PGM5: variants seen among roughly 807,000 people sequenced by gnomAD.
PGM5 encodes the protein phosphoglucomutase 5, also known as phosphoglucomutase-like protein 5.
Under a neutral mutation model 59.2 loss-of-function variants are expected in PGM5, and 23 were observed. The ratio of observed to expected loss-of-function variants is 0.39; its 90% CI spans 0.28 to 0.55. The LOEUF is 0.55. PGM5 is among the 20% of genes least tolerant of loss of function. The pLI is 0.66. For synonymous variants in PGM5, 214 were observed against 286.0 expected (o/e 0.75, Z 2.54); for missense variants, 574 against 748.3 (o/e 0.77, Z 2.72).
chr9:68,388,084 C>T (rs1262999298), intron 4 of PGM5, among the ~76,000 whole-genome samples: 2 of 140,742 alleles, frequency 1.4e-5, no homozygotes, highest in Non-Finnish European at 3.1e-5. Context: ...GGAACTGGAG[C>T]TGCAGCTCTT....
intron 1 of PGM5, among the ~76,000 whole-genome samples, chr9:68,359,625 A>G (rs1434391744): frequency 1.3e-5 from 2 of 152,224 alleles, no homozygotes; most frequent in Non-Finnish European, 2.9e-5. Flanking sequence ...CTGATTTGGC[A>G]TCCTGAATTA....
intron 6 of PGM5, chr9:68,398,985 C>T (rs1477030873): frequency 3.3e-5 from 5 of 152,018 alleles, no homozygotes; most frequent in African/African-American, 1.2e-4. Context: ...TAGACAACCA[C>T]AAAAAATGTG....
intron 6 of PGM5, among the ~76,000 whole-genome samples, chr9:68,400,886 G>T (rs1228253234): frequency 6.6e-6 from 1 of 152,168 alleles, no homozygotes; most frequent in Admixed American, 6.5e-5. Context: ...GAACTTAAGC[G>T]CAAGGTTGTT....
At chr9:68,500,503 G>A (rs900958106) in intron 10 of PGM5, among the ~76,000 whole-genome samples, 4 of 152,030 alleles carry the variant, frequency 2.6e-5, no homozygotes, top group African/African-American at 9.7e-5. Flanking sequence ...AGTGGGCAAA[G>A]CAGGTGGCCA....
At chr9:68,411,482 G>GTA (rs1363314665) in intron 6 of PGM5, among the ~76,000 whole-genome samples, 144 of 83,938 alleles carry the variant, frequency 1.7e-3, no homozygotes, top group African/African-American at 5.3e-3. Context: ...GTGTGTGTGT[G>GTA]TGTGTGTATA....
intron 7 of PGM5, among the ~76,000 whole-genome samples, chr9:68,476,282 T>C (rs1824102319): frequency 1.3e-5 from 2 of 152,224 alleles, no homozygotes; most frequent in South Asian, 4.1e-4. Context: ...TTGACTATTA[T>C]TATTTTCCTC....
chr9:68,457,078 A>G (rs1255154672), intron 6 of PGM5, among the ~76,000 whole-genome samples: 2 of 152,026 alleles, frequency 1.3e-5, no homozygotes, highest in African/African-American at 2.4e-5. Context: ...TTTTCTTATC[A>G]GTTTGTAGGA....
chr9:68,493,515 C>T (rs1368102097), intron 9 of PGM5, among the ~76,000 whole-genome samples: 3 of 152,172 alleles, frequency 2.0e-5, no homozygotes, highest in Admixed American at 6.5e-5. Flanking sequence ...TTACTAAATA[C>T]GTTACCTTGA....
chr9:68,371,542 A>C (rs1461411544), intron 1 of PGM5: 5 of 152,188 alleles, frequency 3.3e-5, no homozygotes, highest in African/African-American at 1.2e-4. Context: ...TTAATTTAAC[A>C]AAGAGTTTTT....
intron 1 of PGM5, among the ~76,000 whole-genome samples, chr9:68,371,102 G>A (rs1243739169): frequency 2.1e-4 from 32 of 152,158 alleles, no homozygotes; most frequent in Admixed American, 4.6e-4. Context: ...CCCCTTTTCC[G>A]CGTGGGAGTT....
At chr9:68,528,067 T>C (rs1338584397) in intron 10 of PGM5, among the ~76,000 whole-genome samples, 1 of 152,194 alleles carries the variant, frequency 6.6e-6, no homozygotes, top group Non-Finnish European at 1.5e-5. Flanking sequence ...ACTCCCTTTA[T>C]GCATGGGAAT....
At chr9:68,369,729 T>C (rs1834748352) in intron 1 of PGM5, among the ~76,000 whole-genome samples, 1 of 152,192 alleles carries the variant, frequency 6.6e-6, no homozygotes. Flanking sequence ...AAATCCATGG[T>C]GGTTTGATGC....
chr9:68,484,591 C>CA (rs1437315385), intron 9 of PGM5, among the ~76,000 whole-genome samples: 1 of 137,422 alleles, frequency 7.3e-6, no homozygotes, highest in African/African-American at 3.0e-5. Flanking sequence ...ACAAAACAAA[C>CA]AAAAAACAAA....
At chr9:68,399,803 G>A (rs1822619656) in intron 6 of PGM5, among the ~76,000 whole-genome samples, 1 of 152,234 alleles carries the variant, frequency 6.6e-6, no homozygotes, top group Non-Finnish European at 1.5e-5. Flanking sequence ...ATTGTTATCA[G>A]TAGACAGATC....
At chr9:68,450,888 T>C (rs1303055561) in intron 6 of PGM5, among the ~76,000 whole-genome samples, 1 of 152,232 alleles carries the variant, frequency 6.6e-6, no homozygotes, top group East Asian at 1.9e-4. Flanking sequence ...GTGAGCTGAC[T>C]GAGAGAATTC....
intron 9 of PGM5, among the ~76,000 whole-genome samples, chr9:68,490,515 C>T (rs1031014748): frequency 9.9e-5 from 15 of 152,218 alleles, no homozygotes; most frequent in African/African-American, 3.1e-4. Context: ...CCACCATACC[C>T]GGCTAATTTT....
At chr9:68,417,389 C>G (rs754280686) in intron 6 of PGM5, among the ~76,000 whole-genome samples, 2 of 151,882 alleles carry the variant, frequency 1.3e-5, no homozygotes, top group Non-Finnish European at 2.9e-5. Context: ...CCTGTCAAAT[C>G]TAGGAGATCT....
At chr9:68,406,828 G>C (rs1822830711) in intron 6 of PGM5, among the ~76,000 whole-genome samples, 1 of 149,664 alleles carries the variant, frequency 6.7e-6, no homozygotes, top group Non-Finnish European at 1.5e-5. Flanking sequence ...GTGAAGCATA[G>C]GCAGTGGATT....
chr9:68,371,541 CAAAG>C (rs1202462162), intron 1 of PGM5: 3 of 152,064 alleles, frequency 2.0e-5, no homozygotes, highest in African/African-American at 7.2e-5. Context: ...GTTAATTTAA[CAAAG>C]AGTTTTTGTT....
Sources: gnomAD v4.1 joint callset for allele counts (sites outside exome capture counted in the v4.1 genomes callset) on GRCh38, gnomAD v4.1.1 for gene constraint, MANE v1.5 for transcripts, NCBI Gene and HGNC (gene_info 2026-07-23, HGNC 2026-07-21) for gene names.